Variants in NOL3 observed in about 807,000 individuals in gnomAD.
The protein encoded by NOL3 is nucleolar protein 3, also known as muscle-enriched cytoplasmic protein.
NOL3 carries 18 observed loss-of-function variants against 19.2 expected under a neutral mutation model. The observed-to-expected ratio is 0.94, with a 90% confidence interval of 0.65 to 1.39. The LOEUF (loss-of-function observed/expected upper bound fraction) is 1.39. NOL3 is among the 40% of genes most tolerant of loss of function. The probability of loss-of-function intolerance (pLI) is 0.00; values close to 1 mark genes in which losing one functional copy is unlikely to be tolerated. For missense variants in NOL3, 290 were observed against 289.5 expected (o/e 1.00, Z -0.01); for synonymous variants, 127 against 137.3 (o/e 0.93, Z 0.52).
chr16:67,175,057 G>T (rs1178345050), exon 4 of NOL3: 2 of 1,614,258 alleles, frequency 1.2e-6, no homozygotes, highest in Middle Eastern at 1.6e-4. Context: ...ATTCCTGAAG[G>T]CCAGAGCTCT....
At chr16:67,171,584 G>A (rs777749048) in intron 1 of NOL3, 1 of 152,266 alleles carries the variant, frequency 6.6e-6, no homozygotes. Context: ...GTGGGGTGTG[G>A]GGGGGAGGTA....
intron 1 of NOL3, chr16:67,171,233 C>A (rs918397259): frequency 6.6e-6 from 1 of 152,268 alleles, no homozygotes; most frequent in East Asian, 1.9e-4. Flanking sequence ...GGAGAGTCTG[C>A]GTGTACACAG....
At chr16:67,174,999 G>A (rs1383385204) in intron 3 of NOL3, 48 bp from the exon 4 acceptor site, 1 of 1,611,154 alleles carries the variant, frequency 6.2e-7, no homozygotes, top group African/African-American at 1.3e-5. Context: ...GGCCTGGGAA[G>A]CGGATGCCGG....
chr16:67,174,578 A>G, intron 2 of NOL3, 43 bp from the exon 3 acceptor site: 2 of 1,513,048 alleles, frequency 1.3e-6, no homozygotes, highest in Non-Finnish European at 1.8e-6. Flanking sequence ...GTGAAACCGC[A>G]CAGGGGTAAA....
At chr16:67,173,749 G>A in intron 1 of NOL3, 1 of 911,386 alleles carries the variant, frequency 1.1e-6, no homozygotes, top group Non-Finnish European at 1.6e-6. Flanking sequence ...TGCCTGGTTA[G>A]GTGGGGAAGC....
chr16:67,174,819 C>G, exon 3 of NOL3: 10 of 1,603,980 alleles, frequency 6.2e-6, no homozygotes, highest in Non-Finnish European at 8.5e-6. Context: ...TCTAAAGAGG[C>G]TGAACCGGAG....
exon 3 of NOL3, chr16:67,174,742 T>G: frequency 6.2e-7 from 1 of 1,610,230 alleles, no homozygotes; most frequent in Non-Finnish European, 8.5e-7. Flanking sequence ...CCGGGGGCCC[T>G]GAGGGCTCCG....
At chr16:67,175,239 G>A in exon 4 of NOL3, 1 of 1,493,340 alleles carries the variant, frequency 6.7e-7, no homozygotes, top group Non-Finnish European at 8.9e-7. Flanking sequence ...GGAACTTAGG[G>A]TGGGTACCTC....
In NOL3 at chr16:67,174,604, T is replaced by C; in HGVS notation, c.296-17T>C. 1 of 1,521,560 alleles carries C rather than the reference T, an allele frequency of 6.6e-7. No homozygotes were observed. The highest frequency in any genetic ancestry group is 8.8e-7 in the Non-Finnish European group (1 of 1,138,618). 94.3% of individuals were successfully genotyped at this position (1,521,560 alleles called of 1,614,324 possible). Reference sequence around the variant, plus strand: ...CAGGGGTAAATTGAGCCTCAGTCACTCCCACTTCCGCCCCAGGCTACCGGG... The same window carrying C: ...CAGGGGTAAATTGAGCCTCAGTCACCCCCACTTCCGCCCCAGGCTACCGGG... On this transcript the variant is annotated splice_polypyrimidine_tract_variant and intron_variant, in intron 2 of 3. Transcript: ENST00000268605.
exon 2 of NOL3, chr16:67,174,345 G>A: frequency 6.3e-7 from 1 of 1,590,092 alleles, no homozygotes; most frequent in South Asian, 1.1e-5. Context: ...CGCAGGGTGC[G>A]CCGCCTACTG....
At chr16:67,173,990 C>A in intron 1 of NOL3, 172 bp from the exon 2 acceptor site, 1 of 1,539,562 alleles carries the variant, frequency 6.5e-7, no homozygotes, top group South Asian at 1.2e-5. Flanking sequence ...ACACCGAGTT[C>A]CCCGTGTTGG....
At chr16:67,172,480 G>A (rs1251913070) in intron 1 of NOL3, among the ~76,000 whole-genome samples, 4 of 151,384 alleles carry the variant, frequency 2.6e-5, no homozygotes, top group Non-Finnish European at 5.9e-5. Context: ...AGCGTGGTGC[G>A]GGCACCTGTA....
At chr16:67,174,205 C>A (rs2031964285) in exon 2 of NOL3, 1 of 1,612,274 alleles carries the variant, frequency 6.2e-7, no homozygotes, top group Non-Finnish European at 8.5e-7. Flanking sequence ...CAGAGACTAT[C>A]GACCGCGAGC....
At position 67,174,158 on chromosome 16, in the gene NOL3, G is replaced by T; in HGVS notation, c.-8-4G>T. ...CATTACTTCTCTCCCCTTTCCCCAT[G>T]CAGCCCCGACAATGGGCAACGCGCA... On this transcript the variant is annotated splice_region_variant and splice_polypyrimidine_tract_variant and intron_variant, in intron 1 of 3. Coordinates refer to ENST00000268605, the Ensembl canonical transcript of NOL3. 6.2e-7 allele frequency: 1 copy of T among 1,606,164 alleles called. No homozygotes were observed. The highest frequency in any genetic ancestry group is 1.3e-5 in the African/African-American group (1 of 74,958).
chr16:67,174,461 C>G, exon 2 of NOL3: 1 of 1,488,752 alleles, frequency 6.7e-7, no homozygotes, highest in Non-Finnish European at 8.9e-7. Context: ...GCACGTGGGT[C>G]CGGGTGAGCG....
At chr16:67,174,900 A>C in exon 3 of NOL3, 1 of 1,613,710 alleles carries the variant, frequency 6.2e-7, no homozygotes, top group Non-Finnish European at 8.5e-7. Context: ...CCAGAACCGG[A>C]CCCAGAGCCC....
At chr16:67,174,751 C>T (rs1183950636) in exon 3 of NOL3, 6 of 1,609,664 alleles carry the variant, frequency 3.7e-6, no homozygotes, top group Non-Finnish European at 3.4e-6. Context: ...CTGAGGGCTC[C>T]GAGGCGGTGC....
intron 1 of NOL3, chr16:67,173,819 CG>C: frequency 2.7e-6 from 4 of 1,497,624 alleles, no homozygotes; most frequent in Non-Finnish European, 3.6e-6. Flanking sequence ...TCGGATTTGC[CG>C]GGGGTGGAGC....
At chr16:67,173,285 T>C (rs1221617660) in intron 1 of NOL3, among the ~76,000 whole-genome samples, 2 of 151,926 alleles carry the variant, frequency 1.3e-5, no homozygotes, top group Non-Finnish European at 2.9e-5. Flanking sequence ...ACAGTCACAT[T>C]AGGAGTTAGG....
Sources: allele counts gnomAD v4.1 joint callset (sites outside exome capture counted in the v4.1 genomes callset), GRCh38; gene constraint gnomAD v4.1.1; transcripts MANE v1.5; gene names NCBI Gene and HGNC (gene_info 2026-07-23, HGNC 2026-07-21).